The following OR56A3 variants were observed in gnomAD, a reference collection of about 807,000 sequenced individuals.
The protein encoded by OR56A3 is olfactory receptor 56A3.
A neutral mutation model predicts 17.5 loss-of-function variants in OR56A3; 23 were observed. The ratio of observed to expected loss-of-function variants is 1.32; its 90% CI spans 0.95 to 1.87. The LOEUF (loss-of-function observed/expected upper bound fraction) is 1.87. Among genes scored for constraint, OR56A3 ranks in the 40% most tolerant of loss-of-function variants. OR56A3 has a pLI of 0.00. For synonymous variants in OR56A3, 175 were observed against 150.6 expected (o/e 1.16, Z -1.19); for missense variants, 366 against 380.1 (o/e 0.96, Z 0.31).
rs200456392 is a variant in OR56A3 at position 5,948,075 on chromosome 11, C to T, written c.729C>T (p.Ser243=). ...AGGGTGCCGTGGCAAAGGCCCTAAG[C>T]ACATGTGGCTCCCACTTCATGCTCA... ...KAEGAVAKAL[S]TCGSHFMLIL... The change falls in exon 3 of 3, where the codon AGC becomes AGT. Residue 243 remains serine, a synonymous_variant. Coordinates refer to ENST00000641160, the MANE Select transcript of OR56A3 (RefSeq NM_001003443.3). 1.1e-4 allele frequency: 180 copies of T among 1,614,118 alleles called. No homozygotes were observed. Among genetic ancestry groups the T allele is most frequent in the Non-Finnish European group, 1.4e-4 (170 of 1,180,040 alleles).
the OR56A3 span, among the ~76,000 whole-genome samples, chr11:5,966,150 C>T: frequency 1.4e-5 from 2 of 147,976 alleles, no homozygotes; most frequent in Admixed American, 1.4e-4. Context: ...GCAGGTGGAT[C>T]GCTTGAGCCC....
chr11:6,020,239 G>A, the OR56A3 span: 2 of 152,058 alleles, frequency 1.3e-5, no homozygotes, highest in Non-Finnish European at 2.9e-5. Flanking sequence ...CAGATTTCAA[G>A]TATATGTTTG....
At chr11:5,994,659 C>A in the OR56A3 span, 1 of 786,390 alleles carries the variant, frequency 1.3e-6, no homozygotes. Flanking sequence ...AGTTCTGTCT[C>A]ATACTTGATT....
At chr11:5,947,281 C>T in intron 2 of OR56A3, 30 bp from the exon 3 acceptor site, 1 of 1,389,222 alleles carries the variant, frequency 7.2e-7, no homozygotes, top group Non-Finnish European at 9.8e-7. Context: ...ATCAAGAATC[C>T]ACAGCTAGTT....
rs951151773 is a variant in OR56A3, at chr11:5,943,266, C to T, written c.-314+892C>T. 12 of 152,110 alleles carry T rather than the reference C, an allele frequency of 7.9e-5. No homozygotes were observed. In the South Asian group the frequency reaches 2.5e-3, roughly 32 times the overall value. The allele number at this position is 152,110 out of a possible 1,614,324, so 9.4% of individuals were successfully genotyped here. ...CCCATGTAATCCTCAGAAATTTCAT[C>T]TTAGTGCTAAAAATAATTATCCCAA... On this transcript the variant is annotated intron_variant, in intron 1 of 2. Transcript: ENST00000641160.
the OR56A3 span, chr11:5,968,428 A>C: frequency 6.3e-7 from 1 of 1,599,116 alleles, no homozygotes. Context: ...CAGCTCTGGA[A>C]ACTGGGGAAA....
chr11:5,992,018 G>C, the OR56A3 span, among the ~76,000 whole-genome samples: 1 of 152,174 alleles, frequency 6.6e-6, no homozygotes, highest in South Asian at 2.1e-4. Flanking sequence ...GACCGTGTCT[G>C]TCCAATGTTG....
the OR56A3 span, among the ~76,000 whole-genome samples, chr11:5,995,492 A>G: frequency 1.3e-5 from 2 of 152,172 alleles, no homozygotes; most frequent in African/African-American, 4.8e-5. Context: ...GTTGGACAGG[A>G]TACAGGAACT....
the OR56A3 span, among the ~76,000 whole-genome samples, chr11:5,980,210 C>G: frequency 5.9e-5 from 9 of 152,054 alleles, no homozygotes; most frequent in Admixed American, 5.9e-4. Context: ...TCCATTTATT[C>G]AAGTGTTGAG....
chr11:6,002,368 G>C, the OR56A3 span: 7 of 1,614,178 alleles, frequency 4.3e-6, no homozygotes, highest in East Asian at 1.6e-4. Context: ...GAGCCCAACA[G>C]AGTCCAGCCT....
chr11:5,967,650 A>C, the OR56A3 span: 1 of 1,613,994 alleles, frequency 6.2e-7, no homozygotes, highest in Non-Finnish European at 8.5e-7. Flanking sequence ...AAGGTGGTGC[A>C]GGATGTTGAG....
downstream of OR56A3, among the ~76,000 whole-genome samples, chr11:5,954,876 C>T (rs1847924861): frequency 6.6e-6 from 1 of 152,070 alleles, no homozygotes; most frequent in South Asian, 2.1e-4. Flanking sequence ...AGAAAGACAG[C>T]AGATCTTGGG....
the OR56A3 span, chr11:5,985,964 T>C: frequency 6.2e-7 from 1 of 1,609,604 alleles, no homozygotes; most frequent in Non-Finnish European, 8.5e-7. Context: ...GTAAACACTC[T>C]GAGCACTCGC....
chr11:5,947,492 T>C lies in OR56A3; in HGVS notation c.146T>C (p.Leu49Pro), dbSNP rs758107116. The C allele has an allele frequency of 2.7e-5, 44 of 1,613,874 alleles. No individual in the cohort carries two copies. The Middle Eastern group carries it at 4.9e-4, about 18-fold the overall frequency. The change falls in exon 3 of 3, where the codon CTC (leucine) becomes CCC (proline). Residue 49 changes from leucine to proline, a missense_variant. Transcript: ENST00000641160. ...FLLAVGANTT[L>P]LMTIWLEASL... ...TTGGCCGTAGGGGCCAACACCACCC[T>C]CCTGATGACCATCTGGCTGGAGGCC...
rs1847906294 is a variant in OR56A3, at chr11:5,951,299, A to G, written c.*3005A>G. The G allele has an allele frequency of 2.0e-5, 3 of 152,286 alleles. No homozygotes were observed. Among genetic ancestry groups the G allele is most frequent in the Admixed American group, 2.0e-4 (3 of 15,288 alleles). 9.4% of individuals were successfully genotyped at this position (152,286 alleles called of 1,614,324 possible). On this transcript the variant is annotated 3_prime_UTR_variant, in exon 3 of 3. Transcript: ENST00000641160. ...ATACGTTAAAGGTTTATCAGAAGGT[A>G]AATGATAAACATTATTTGTAATTCA...
chr11:5,954,873 C>T (rs1229426126), downstream of OR56A3, among the ~76,000 whole-genome samples: 1 of 152,130 alleles, frequency 6.6e-6, no homozygotes, highest in African/African-American at 2.4e-5. Context: ...TCAAGAAAGA[C>T]AGCAGATCTT....
chr11:5,944,752 TA>T (rs1847858016), intron 1 of OR56A3, 53 bp from the exon 2 acceptor site: 1 of 152,236 alleles, frequency 6.6e-6, no homozygotes, highest in Admixed American at 6.5e-5. Context: ...ACGGTATGTT[TA>T]AAATTCATTT....
the OR56A3 span, among the ~76,000 whole-genome samples, chr11:6,010,906 C>A: frequency 3.9e-5 from 6 of 151,910 alleles, no homozygotes; most frequent in African/African-American, 1.4e-4. Flanking sequence ...AAGTACTGAT[C>A]CCTGGTACTG....
the OR56A3 span, among the ~76,000 whole-genome samples, chr11:5,961,859 C>A: frequency 6.6e-6 from 1 of 151,098 alleles, no homozygotes; most frequent in South Asian, 2.1e-4. Context: ...GACAATTTAA[C>A]TTCTTTCTTT....
Sources: allele counts gnomAD v4.1 joint callset (sites outside exome capture counted in the v4.1 genomes callset), GRCh38; gene constraint gnomAD v4.1.1; transcripts MANE v1.5; gene names NCBI Gene and HGNC (gene_info 2026-07-23, HGNC 2026-07-21).